Variants in FER observed in about 807,000 individuals in gnomAD.
The protein encoded by FER is tyrosine-protein kinase Fer.
Under a neutral mutation model 111.0 loss-of-function variants are expected in FER, and 63 were observed. That is an observed-to-expected ratio of 0.57 (90% confidence interval 0.46 to 0.70). The LOEUF is 0.70. FER is among the 30% of genes least tolerant of loss of function. The pLI is 0.00. For missense variants in FER, 914 were observed against 954.0 expected (o/e 0.96, Z 0.55); for synonymous variants, 327 against 313.9 (o/e 1.04, Z -0.44).
chr5:109,155,094 A>C (rs1296078579), intron 17 of FER, among the ~76,000 whole-genome samples: 1 of 151,928 alleles, frequency 6.6e-6, no homozygotes, highest in African/African-American at 2.4e-5. Context: ...CCCTAGTTCA[A>C]AAGTAACATG....
At chr5:109,105,422 G>A (rs7731193) in intron 17 of FER, among the ~76,000 whole-genome samples, 65,416 of 151,814 alleles carry the variant, frequency 0.43, 14,647 homozygotes, top group African/African-American at 0.55. Flanking sequence ...TAAACTGTGA[G>A]TATACTGAAA....
chr5:109,123,191 T>G (rs1370073948), intron 17 of FER, among the ~76,000 whole-genome samples: 1 of 141,990 alleles, frequency 7.0e-6, no homozygotes, highest in Non-Finnish European at 1.5e-5. Context: ...AGTCTCACTC[T>G]GTCGCCCAGG....
intron 10 of FER, among the ~76,000 whole-genome samples, chr5:108,932,768 TGA>T (rs1436167389): frequency 6.7e-6 from 1 of 150,050 alleles, no homozygotes; most frequent in African/African-American, 2.5e-5. Flanking sequence ...ATTTCTCTAA[TGA>T]CCAGTGATGA....
chr5:108,757,862 T>C (rs1252401382), intron 1 of FER, among the ~76,000 whole-genome samples: 1 of 152,208 alleles, frequency 6.6e-6, no homozygotes, highest in Non-Finnish European at 1.5e-5. Context: ...ATAACAAATA[T>C]AGGAGCTAGA....
intron 9 of FER, among the ~76,000 whole-genome samples, chr5:108,886,725 G>A (rs1230096569): frequency 2.0e-5 from 3 of 151,614 alleles, no homozygotes; most frequent in Non-Finnish European, 4.4e-5. Flanking sequence ...CTTTTCAGGG[G>A]ATGAGACCTG....
chr5:108,842,890 CCA>C (rs2150158239), intron 5 of FER: 1 of 152,280 alleles, frequency 6.6e-6, no homozygotes, highest in East Asian at 1.9e-4. Context: ...TCCAGCAATC[CCA>C]CTACTGGGTA....
At chr5:108,967,530 G>A (rs141968288) in intron 13 of FER, among the ~76,000 whole-genome samples, 2 of 152,214 alleles carry the variant, frequency 1.3e-5, no homozygotes, top group East Asian at 3.9e-4. Context: ...GGGAGGCCGA[G>A]GTGGATGAAT....
chr5:109,078,542 C>T (rs889018644), intron 16 of FER, among the ~76,000 whole-genome samples: 4 of 152,034 alleles, frequency 2.6e-5, no homozygotes, highest in Non-Finnish European at 5.9e-5. Flanking sequence ...TTGAGTTTAC[C>T]TCAAGAAAGA....
At chr5:109,089,467 C>A (rs533465329) in intron 16 of FER, among the ~76,000 whole-genome samples, 1 of 152,254 alleles carries the variant, frequency 6.6e-6, no homozygotes, top group South Asian at 2.1e-4. Flanking sequence ...TTGTAGCATA[C>A]TGGCCAACAT....
intron 17 of FER, among the ~76,000 whole-genome samples, chr5:109,111,672 A>C (rs1446619857): frequency 1.3e-5 from 2 of 152,142 alleles, no homozygotes; most frequent in Non-Finnish European, 2.9e-5. Flanking sequence ...GTCTCAGGAA[A>C]CTTACAATCA....
intron 3 of FER, chr5:108,820,024 CT>C: frequency 1.0e-6 from 1 of 984,844 alleles, no homozygotes; most frequent in Non-Finnish European, 1.2e-6. Context: ...AACGGCTTGT[CT>C]AGGACATGGA....
chr5:108,762,075 T>C (rs933314318), intron 1 of FER, among the ~76,000 whole-genome samples: 2 of 152,074 alleles, frequency 1.3e-5, no homozygotes, highest in African/African-American at 4.8e-5. Flanking sequence ...CACACCTGGC[T>C]AATTTTTTTT....
intron 18 of FER, 107 bp downstream of exon 18, chr5:109,181,008 A>T (rs1441568518): frequency 1.1e-6 from 1 of 879,054 alleles, no homozygotes; most frequent in East Asian, 2.9e-5. Context: ...AGTTAGAATG[A>T]TTTGAGGATC....
intron 13 of FER, among the ~76,000 whole-genome samples, chr5:109,002,799 G>A (rs938203350): frequency 7.9e-5 from 12 of 152,130 alleles, no homozygotes; most frequent in Non-Finnish European, 1.3e-4. Flanking sequence ...CAAAAAGGGG[G>A]CGAAGGATAT....
In FER at chr5:109,052,427, G is replaced by A. The variant is rs61733154; in HGVS notation, c.1924+5229G>A. 1.3e-3 allele frequency: 1,951 copies of A among 1,495,772 alleles called. 22 individuals are homozygous for A. The African/African-American group carries it at 0.024, about 18-fold the overall frequency. The allele number at this position is 1,495,772 out of a possible 1,614,324, so 92.7% of individuals were successfully genotyped here. ...GTTAAGTAGGCTTGAACCTTGTCAA[G>A]GAGTTTGCCTAAAGTGCTCCAGTCA... On this transcript the variant is annotated intron_variant, in intron 16 of 19. Coordinates refer to ENST00000281092, the MANE Select transcript of FER (RefSeq NM_005246.4).
At chr5:108,877,079 T>G (rs997946617) in intron 8 of FER, among the ~76,000 whole-genome samples, 4 of 152,198 alleles carry the variant, frequency 2.6e-5, no homozygotes, top group African/African-American at 9.6e-5. Context: ...TTACAGAGGA[T>G]GATACCAATT....
At chr5:108,873,656 A>G (rs1764822505) in intron 8 of FER, among the ~76,000 whole-genome samples, 1 of 152,130 alleles carries the variant, frequency 6.6e-6, no homozygotes, top group Non-Finnish European at 1.5e-5. Context: ...TTCATGCCCT[A>G]TACAGGGGTC....
intron 2 of FER, among the ~76,000 whole-genome samples, chr5:108,794,529 C>A (rs905043481): frequency 9.6e-5 from 12 of 125,542 alleles, no homozygotes; most frequent in East Asian, 2.9e-4. Flanking sequence ...CCTCCGCACC[C>A]CCCCCCCTCC....
chr5:109,181,508 CAAGAATTT>C (rs1470588670), intron 18 of FER, among the ~76,000 whole-genome samples: 2 of 150,714 alleles, frequency 1.3e-5, no homozygotes, highest in African/African-American at 4.9e-5. Flanking sequence ...GATGACAACT[CAAGAATTT>C]AAGAGAAAAA....
Sources: allele counts gnomAD v4.1 joint callset (sites outside exome capture counted in the v4.1 genomes callset), GRCh38; gene constraint gnomAD v4.1.1; transcripts MANE v1.5; gene names NCBI Gene and HGNC (gene_info 2026-07-23, HGNC 2026-07-21).